LRIF1: variants seen among roughly 807,000 people sequenced by gnomAD.
LRIF1 encodes the protein ligand dependent nuclear receptor interacting factor 1, also known as ligand-dependent nuclear receptor-interacting factor 1.
LRIF1 carries 32 observed loss-of-function variants against 52.7 expected under a neutral mutation model. The observed-to-expected ratio is 0.61, with a 90% confidence interval of 0.46 to 0.82. LRIF1 has a LOEUF of 0.82. Ranked by LOEUF, LRIF1 falls within the 40% of genes least tolerant of loss-of-function variation. LRIF1 has a pLI of 0.00. For synonymous variants in LRIF1, 323 were observed against 317.4 expected, an observed-to-expected ratio of 1.02 and a Z score of -0.19; for missense variants, 887 against 892.0, an observed-to-expected ratio of 0.99 and a Z score of 0.07.
chr1:110,955,476 ATTC>A (rs1162834387), intron 1 of LRIF1, among the ~76,000 whole-genome samples: 1 of 152,204 alleles, frequency 6.6e-6, no homozygotes, highest in East Asian at 1.9e-4. Context: ...GCCTTCCATT[ATTC>A]TTAGAGTCGT....
At chr1:110,945,349 A>G (rs1026309016), downstream of LRIF1, among the ~76,000 whole-genome samples, 3 of 152,110 alleles carry the variant, frequency 2.0e-5, no homozygotes, top group Non-Finnish European at 4.4e-5. Context: ...TTTGCTTGCT[A>G]TATTTTCAAT....
the LRIF1 span, among the ~76,000 whole-genome samples, chr1:110,886,595 T>C: frequency 2.6e-5 from 4 of 152,034 alleles, no homozygotes; most frequent in Non-Finnish European, 5.9e-5. Context: ...ACACCTGTAA[T>C]CCCAGCACTT....
chr1:110,908,148 C>T, the LRIF1 span, among the ~76,000 whole-genome samples: 7,795 of 152,094 alleles, frequency 0.051, 269 homozygotes, highest in East Asian at 0.14. Context: ...CACAGCAATT[C>T]GTAAATCAAT....
At chr1:110,918,620 T>C in the LRIF1 span, among the ~76,000 whole-genome samples, 31 of 152,276 alleles carry the variant, frequency 2.0e-4, no homozygotes, top group East Asian at 6.0e-3. Context: ...CTTAGAAGAA[T>C]GGACAACTTG....
chr1:110,963,462 G>A (rs577004652), intron 1 of LRIF1, 159 bp downstream of exon 1: 382 of 546,516 alleles, frequency 7.0e-4, no homozygotes, highest in Middle Eastern at 2.2e-3. Flanking sequence ...CGCTCTATGG[G>A]CTTTAAGCGC....
the LRIF1 span, chr1:110,891,347 C>A: frequency 7.7e-7 from 1 of 1,296,170 alleles, no homozygotes; most frequent in African/African-American, 1.5e-5. Flanking sequence ...TCTCTGGCTA[C>A]CTTACAGAGT....
the LRIF1 span, among the ~76,000 whole-genome samples, chr1:110,924,363 A>G: frequency 2.0e-5 from 3 of 152,236 alleles, no homozygotes; most frequent in Non-Finnish European, 2.9e-5. Flanking sequence ...CTTATGTATT[A>G]GTCCGTTTTC....
At chr1:110,903,624 A>G in the LRIF1 span, among the ~76,000 whole-genome samples, 1 of 152,232 alleles carries the variant, frequency 6.6e-6, no homozygotes, top group Non-Finnish European at 1.5e-5. Context: ...CAGCAGTGAA[A>G]CCAAGTTACT....
the LRIF1 span, among the ~76,000 whole-genome samples, chr1:110,932,357 C>A: frequency 6.6e-6 from 1 of 152,106 alleles, no homozygotes; most frequent in Admixed American, 6.5e-5. Context: ...TGTTTTGGTA[C>A]CAGTACCATG....
chr1:110,890,320 A>C, the LRIF1 span, among the ~76,000 whole-genome samples: 4 of 152,184 alleles, frequency 2.6e-5, no homozygotes, highest in East Asian at 7.7e-4. Flanking sequence ...TAATCCCAGC[A>C]CTTTGGGAGG....
the LRIF1 span, chr1:110,941,452 C>T: frequency 6.6e-6 from 1 of 151,974 alleles, no homozygotes; most frequent in African/African-American, 2.4e-5. Flanking sequence ...CTTAGTTGTT[C>T]AATTCTAATG....
At chr1:110,883,653 C>T in the LRIF1 span, among the ~76,000 whole-genome samples, 8 of 151,922 alleles carry the variant, frequency 5.3e-5, no homozygotes, top group Non-Finnish European at 8.8e-5. Flanking sequence ...TAGTAGAAAT[C>T]ATCAATAAGA....
chr1:110,902,300 C>T, the LRIF1 span, among the ~76,000 whole-genome samples: 1,031 of 152,190 alleles, frequency 6.8e-3, 4 homozygotes, highest in Non-Finnish European at 9.6e-3. Flanking sequence ...CTTCCTCTTG[C>T]CATTCTCATT....
chr1:110,902,761 C>T, the LRIF1 span, among the ~76,000 whole-genome samples: 87 of 152,196 alleles, frequency 5.7e-4, no homozygotes, highest in Non-Finnish European at 8.7e-4. Flanking sequence ...TTTCCCCTCC[C>T]CATCCAAGGA....
intron 1 of LRIF1, 99 bp downstream of exon 1, chr1:110,963,522 C>A: frequency 1.0e-6 from 1 of 986,750 alleles, no homozygotes. Context: ...CGGGCTCCAA[C>A]TCCTCTCAAC....
At chr1:110,895,524 G>C in the LRIF1 span, among the ~76,000 whole-genome samples, 1 of 152,088 alleles carries the variant, frequency 6.6e-6, no homozygotes, top group Non-Finnish European at 1.5e-5. Flanking sequence ...GACATGATGT[G>C]TTGGGAGATA....
the LRIF1 span, among the ~76,000 whole-genome samples, chr1:110,880,495 G>T: frequency 1.3e-5 from 2 of 152,086 alleles, no homozygotes; most frequent in South Asian, 4.2e-4. Flanking sequence ...GGACAATCAG[G>T]TTACACGGGC....
chr1:110,920,629 T>C, the LRIF1 span, among the ~76,000 whole-genome samples: 120 of 152,334 alleles, frequency 7.9e-4, no homozygotes, highest in African/African-American at 2.8e-3. Flanking sequence ...TTATAACATT[T>C]GTCAAAACCC....
chr1:110,937,737 A>G, the LRIF1 span: 2 of 152,262 alleles, frequency 1.3e-5, no homozygotes, highest in East Asian at 1.9e-4. Context: ...GCAGAAATAA[A>G]TGAAATTGAA....
Sources: gnomAD v4.1 joint callset for allele counts (sites outside exome capture counted in the v4.1 genomes callset) on GRCh38, gnomAD v4.1.1 for gene constraint, MANE v1.5 for transcripts, NCBI Gene and HGNC (gene_info 2026-07-23, HGNC 2026-07-21) for gene names.